The following IBTK variants were observed in gnomAD, a reference collection of about 807,000 sequenced individuals.
IBTK encodes BTK-binding protein.
Under a neutral mutation model 154.9 loss-of-function variants are expected in IBTK, and 83 were observed. The ratio of observed to expected loss-of-function variants is 0.54; its 90% CI spans 0.45 to 0.64. The LOEUF (loss-of-function observed/expected upper bound fraction) is 0.64. Among genes scored for constraint, IBTK ranks in the 30% least tolerant of loss-of-function variants. The pLI, the probability that IBTK is intolerant of heterozygous loss-of-function variation, is 0.00. For missense variants in IBTK, 1,332 were observed against 1,584.6 expected (o/e 0.84, Z 2.71); for synonymous variants, 515 against 536.1 (o/e 0.96, Z 0.54).
chr6:82,235,653 T>C (rs779914307), intron 2 of IBTK, among the ~76,000 whole-genome samples: 9 of 152,160 alleles, frequency 5.9e-5, no homozygotes, highest in Non-Finnish European at 1.0e-4. Context: ...AATCAGTTTA[T>C]TTAGTTTATA....
At chr6:82,197,850 G>A (rs780492534) in intron 21 of IBTK, among the ~76,000 whole-genome samples, 4 of 151,942 alleles carry the variant, frequency 2.6e-5, no homozygotes, top group African/African-American at 4.8e-5. Flanking sequence ...CTTTAAGATC[G>A]ACACAGATGT....
chr6:82,236,517 C>G (rs1005460225), intron 2 of IBTK, among the ~76,000 whole-genome samples: 1 of 152,194 alleles, frequency 6.6e-6, no homozygotes, highest in Non-Finnish European at 1.5e-5. Context: ...ACAGTCTTTA[C>G]CAGCCATGCA....
chr6:82,185,125 A>G (rs9344253), intron 25 of IBTK, among the ~76,000 whole-genome samples: 35,753 of 147,884 alleles, frequency 0.24, 4,331 homozygotes, highest in African/African-American at 0.28. Context: ...AGAGGCTGCA[A>G]TGAGCCAAGA....
At chr6:82,204,425 GA>G (rs906101854) in intron 17 of IBTK, among the ~76,000 whole-genome samples, 11 of 151,880 alleles carry the variant, frequency 7.2e-5, no homozygotes, top group Admixed American at 5.2e-4. Context: ...AAGAGTTCAA[GA>G]AAAAAAGAGA....
Position 82,224,028 on chromosome 6 carries a change from C to G in IBTK, c.943+40G>C, listed in dbSNP as rs773633165. ...AAGAAAAGATAATTTTTTAAAGAGTCCAATTTAATTTCCAGATATTGTCAT... is the reference window on the plus strand; with the variant it reads ...AAGAAAAGATAATTTTTTAAAGAGTGCAATTTAATTTCCAGATATTGTCAT... On this transcript the variant is annotated intron_variant, in intron 7 of 28. Transcript: ENST00000306270. 22 of 1,045,168 alleles carry G rather than the reference C, an allele frequency of 2.1e-5. No homozygotes were observed. In the South Asian group the frequency reaches 2.3e-4, roughly 11 times the overall value. 64.7% of individuals were successfully genotyped at this position (1,045,168 alleles called of 1,614,324 possible). A position where few individuals can be genotyped will look rare whatever the true frequency, so the allele number is the denominator to read the frequency against.
chr6:82,216,066 A>G lies in IBTK; in HGVS notation c.1601+10T>C. On this transcript the variant is annotated intron_variant, in intron 11 of 28. Coordinates refer to ENST00000306270, the MANE Select transcript of IBTK (RefSeq NM_015525.4). ...TTCTAAAAAATGAAATTTAATATAT[A>G]CAAGTATACCTTGTTTTAGGATCTG... 1 of 1,585,844 alleles carries G rather than the reference A, an allele frequency of 6.3e-7. No individual in the cohort carries two copies. Among genetic ancestry groups the G allele is most frequent in the Non-Finnish European group, 8.6e-7 (1 of 1,167,366 alleles).
chr6:82,213,777 G>A (rs912802083), intron 12 of IBTK, among the ~76,000 whole-genome samples: 3 of 152,034 alleles, frequency 2.0e-5, no homozygotes, highest in Admixed American at 2.0e-4. Flanking sequence ...AGAAGTCCCA[G>A]AGATAGCTCT....
At chr6:82,237,609 C>G (rs1285511223) in intron 2 of IBTK, among the ~76,000 whole-genome samples, 5 of 148,792 alleles carry the variant, frequency 3.4e-5, no homozygotes, top group Admixed American at 6.7e-5. Flanking sequence ...GGTAGTAGTA[C>G]TAGAAGATAG....
chr6:82,190,384 G>C (rs936560699), intron 25 of IBTK, among the ~76,000 whole-genome samples: 11 of 152,114 alleles, frequency 7.2e-5, no homozygotes, highest in East Asian at 5.8e-4. Flanking sequence ...TCTTCGTAAG[G>C]CTTCACATTC....
rs939923943 is a variant in IBTK at position 82,212,643 on chromosome 6, T to C, written c.2291+64A>G. 1.1e-4 allele frequency: 112 copies of C among 979,402 alleles called. 1 individual carries two copies. Among genetic ancestry groups the C allele is most frequent in the Non-Finnish European group, 1.7e-4 (105 of 604,044 alleles). The allele number at this position is 979,402 out of a possible 1,614,324, so 60.7% of individuals were successfully genotyped here. On this transcript the variant is annotated intron_variant, in intron 13 of 28. Transcript: ENST00000306270. ...TGCTTCATATGTGGGTAAGCAGAGA[T>C]CTATTTCCACACTTAAGTGCCAAAA...
At chr6:82,192,004 T>C in intron 23 of IBTK, 125 bp from the exon 24 acceptor site, 2 of 580,232 alleles carry the variant, frequency 3.4e-6, no homozygotes, top group Non-Finnish European at 6.1e-6. Context: ...ATTTATCAGC[T>C]GTGAGCCAGT....
chr6:82,214,944 A>T, intron 11 of IBTK, 115 bp from the exon 12 acceptor site: 1 of 1,113,004 alleles, frequency 9.0e-7, no homozygotes, highest in South Asian at 1.9e-5. Flanking sequence ...AGAAAATTTT[A>T]AATTTGGCAT....
At chr6:82,215,393 C>T (rs910454560) in intron 11 of IBTK, among the ~76,000 whole-genome samples, 1 of 152,114 alleles carries the variant, frequency 6.6e-6, no homozygotes, top group Non-Finnish European at 1.5e-5. Flanking sequence ...TTTGCCAATT[C>T]TCATCATATT....
chr6:82,222,416 G>A (rs1284001675), intron 8 of IBTK, among the ~76,000 whole-genome samples: 1 of 152,030 alleles, frequency 6.6e-6, no homozygotes, highest in African/African-American at 2.4e-5. Flanking sequence ...TTTGTACAAT[G>A]ACCTATTTAA....
At chr6:82,242,809 C>T (rs1165987291) in intron 1 of IBTK, among the ~76,000 whole-genome samples, 1 of 151,362 alleles carries the variant, frequency 6.6e-6, no homozygotes, top group Non-Finnish European at 1.5e-5. Flanking sequence ...GCTGGCCACA[C>T]TCCTGTAATC....
At chr6:82,243,807 G>A (rs1354261596) in intron 1 of IBTK, among the ~76,000 whole-genome samples, 2 of 152,050 alleles carry the variant, frequency 1.3e-5, no homozygotes, top group Non-Finnish European at 2.9e-5. Context: ...CTACTTACTG[G>A]TGAATCACTC....
intron 11 of IBTK, among the ~76,000 whole-genome samples, chr6:82,215,872 C>G (rs113115730): frequency 2.1e-4 from 32 of 151,104 alleles, no homozygotes; most frequent in African/African-American, 7.8e-4. Context: ...GTTTATAAAC[C>G]AAAGGAAACA....
intron 26 of IBTK, among the ~76,000 whole-genome samples, chr6:82,181,529 C>T (rs1191023564): frequency 1.3e-5 from 2 of 151,986 alleles, no homozygotes; most frequent in African/African-American, 4.8e-5. Flanking sequence ...GAGGGGGAAA[C>T]AGAAGGAAGA....
At chr6:82,218,281 G>A in intron 9 of IBTK, 144 bp from the exon 10 acceptor site, 1 of 480,082 alleles carries the variant, frequency 2.1e-6, no homozygotes, top group South Asian at 7.4e-5. Flanking sequence ...CACAGAAAAA[G>A]ATAGCTACTA....
Sources: allele counts gnomAD v4.1 joint callset (sites outside exome capture counted in the v4.1 genomes callset), GRCh38; gene constraint gnomAD v4.1.1; transcripts MANE v1.5; gene names NCBI Gene and HGNC (gene_info 2026-07-23, HGNC 2026-07-21).